The following PTPRD variants were observed in gnomAD, a reference collection of about 807,000 sequenced individuals.
PTPRD encodes receptor-type tyrosine-protein phosphatase delta.
In PTPRD, 34 loss-of-function variants were observed where a neutral mutation model predicts 214.5. That is an observed-to-expected ratio of 0.16 (90% CI 0.12 to 0.21). The LOEUF (loss-of-function observed/expected upper bound fraction) is 0.21. PTPRD is among the 10% of genes least tolerant of loss of function. PTPRD has a pLI of 1.00. For synonymous variants in PTPRD, 1,128 were observed against 845.7 expected, an observed-to-expected ratio of 1.33 and a Z score of -5.79; for missense variants, 2,545 against 2,398.7, an observed-to-expected ratio of 1.06 and a Z score of -1.27.
At chr9:9,259,759 G>A (rs904973489) in intron 9 of PTPRD, among the ~76,000 whole-genome samples, 3 of 151,890 alleles carry the variant, frequency 2.0e-5, no homozygotes, top group Non-Finnish European at 4.4e-5. Flanking sequence ...AGATCAGGTG[G>A]AGAAGAAAGG....
In PTPRD at chr9:9,137,090, T is replaced by C. The variant is rs1483350385; in HGVS notation, c.-143+46214A>G. On this transcript the variant is annotated intron_variant, in intron 10 of 45. Coordinates refer to ENST00000381196, the MANE Select transcript of PTPRD (RefSeq NM_002839.4). ...ATGATTTCACTTGCTCAAGATGTAA[T>C]TTATTGCTAATGGAATCACAGAAAA... is the stretch of plus-strand genomic sequence containing the variant. Among the ~76,000 whole-genome samples, 3 of 152,302 alleles carry C rather than the reference T, an allele frequency of 2.0e-5. No individual in the cohort carries two copies. The East Asian group carries it at 5.8e-4, about 29-fold the overall frequency.
chr9:10,146,084 T>C (rs2099020428), intron 3 of PTPRD, among the ~76,000 whole-genome samples: 1 of 151,760 alleles, frequency 6.6e-6, no homozygotes, highest in African/African-American at 2.4e-5. Context: ...ATCATTTCAT[T>C]TTTTCCTTAT....
intron 3 of PTPRD, among the ~76,000 whole-genome samples, chr9:10,271,295 A>C (rs1027663679): frequency 6.6e-6 from 1 of 152,140 alleles, no homozygotes; most frequent in Non-Finnish European, 1.5e-5. Context: ...GTACATTTGC[A>C]TTTTTAGGTG....
intron 10 of PTPRD, among the ~76,000 whole-genome samples, chr9:9,137,614 G>T (rs571798768): frequency 1.3e-4 from 20 of 152,204 alleles, no homozygotes; most frequent in African/African-American, 4.8e-4. Context: ...GTTGAACAAG[G>T]ACTGGTGCTG....
intron 13 of PTPRD, among the ~76,000 whole-genome samples, chr9:8,635,501 C>T (rs1014350801): frequency 6.6e-6 from 1 of 152,072 alleles, no homozygotes; most frequent in Admixed American, 6.6e-5. Flanking sequence ...AAACTTCTCA[C>T]TTGTAAACTA....
intron 40 of PTPRD, among the ~76,000 whole-genome samples, 198 bp downstream of exon 40, chr9:8,341,495 T>C (rs1007263707): frequency 3.3e-5 from 5 of 152,056 alleles, no homozygotes; most frequent in African/African-American, 7.2e-5. Flanking sequence ...TTAGGAGACA[T>C]AAGGGCTCAA....
intron 5 of PTPRD, among the ~76,000 whole-genome samples, chr9:9,895,766 T>C (rs958734487): frequency 6.6e-6 from 1 of 152,144 alleles, no homozygotes; most frequent in African/African-American, 2.4e-5. Context: ...GAAGGACTAG[T>C]AGCAGCTAAA....
chr9:9,058,400 T>C (rs2099700237), intron 10 of PTPRD, among the ~76,000 whole-genome samples: 1 of 149,602 alleles, frequency 6.7e-6, no homozygotes, highest in Non-Finnish European at 1.5e-5. Context: ...GAAGATAAAT[T>C]CTATGTATAA....
intron 9 of PTPRD, among the ~76,000 whole-genome samples, chr9:9,372,737 G>A (rs113464234): frequency 0.14 from 20,799 of 152,026 alleles, 1,610 homozygotes; most frequent in East Asian, 0.26. Flanking sequence ...GCATGTTTTC[G>A]CAGTGGCTGG....
chr9:8,454,143 C>A lies in PTPRD; in HGVS notation c.3876-4306G>T, dbSNP rs112246366. On this transcript the variant is annotated intron_variant, in intron 33 of 45. Transcript: ENST00000381196. The stretch of plus-strand genomic sequence containing the variant: ...GGAAGAGTTCTCACTAAGGCACTGT[C>A]ATCAATATTTGCAGGATGTGAAAAT... Among the ~76,000 whole-genome samples the A allele has an allele frequency of 2.1e-3, 319 of 152,232 alleles. 1 individual carries two copies. The highest frequency in any genetic ancestry group is 7.5e-3 in the African/African-American group (312 of 41,548).
intron 3 of PTPRD, among the ~76,000 whole-genome samples, chr9:10,306,820 A>C (rs984784310): frequency 2.3e-4 from 35 of 152,108 alleles, no homozygotes; most frequent in Admixed American, 5.9e-4. Context: ...TGTGAGTTCT[A>C]GTATTATCTC....
At position 9,510,392 on chromosome 9, in the gene PTPRD, G is replaced by C. The variant is rs144775155; in HGVS notation, c.-237+64340C>G. The stretch of plus-strand genomic sequence containing the variant: ...GAGCAAACTTCCCAGCATATATTAG[G>C]CAATCATTAAATGCATGTTGAATTA... On this transcript the variant is annotated intron_variant, in intron 8 of 45. Transcript: ENST00000381196. Among the ~76,000 whole-genome samples, 11 of 151,244 alleles carry C rather than the reference G, an allele frequency of 7.3e-5. No homozygotes were observed. In the East Asian group the frequency reaches 2.2e-3, roughly 30 times the overall value.
intron 14 of PTPRD, among the ~76,000 whole-genome samples, chr9:8,624,168 G>T (rs549290517): frequency 2.6e-5 from 4 of 151,886 alleles, no homozygotes; most frequent in African/African-American, 9.6e-5. Flanking sequence ...GCATTCTGAA[G>T]AATATGGAAA....
At position 10,015,821 on chromosome 9, in the gene PTPRD, A is replaced by C. The variant is rs2096698461; in HGVS notation, c.-472+17897T>G. Among the ~76,000 whole-genome samples, 4 of 152,266 alleles carry C rather than the reference A, an allele frequency of 2.6e-5. No individual in the cohort carries two copies. The South Asian group carries it at 8.3e-4, about 32-fold the overall frequency. ...CTCTGGTAGGATCTAGAAACTAAGC[A>C]AGTTTTATAATGTAAGATACTACAA... On this transcript the variant is annotated intron_variant, in intron 4 of 45. Coordinates refer to ENST00000381196, the MANE Select transcript of PTPRD (RefSeq NM_002839.4).
chr9:9,415,060 C>G (rs574389764), intron 8 of PTPRD, among the ~76,000 whole-genome samples: 2 of 152,110 alleles, frequency 1.3e-5, no homozygotes, highest in African/African-American at 4.8e-5. Context: ...GACCTAATTA[C>G]GTACTTGTTT....
In PTPRD at chr9:8,623,178, T is replaced by C. The variant is rs181909641; in HGVS notation, c.352+10139A>G. On this transcript the variant is annotated intron_variant, in intron 14 of 45. Transcript: ENST00000381196. ...AAAAAACAAAAAACACAAATGTTTATGGAAAATGTCAGGCACTGTGCTTAC... is the reference window on the plus strand; with the variant it reads ...AAAAAACAAAAAACACAAATGTTTACGGAAAATGTCAGGCACTGTGCTTAC... Among the ~76,000 whole-genome samples the C allele has an allele frequency of 5.7e-3, 864 of 151,914 alleles. 21 individuals are homozygous for C. Among genetic ancestry groups the C allele is most frequent in the Admixed American group, 0.043 (651 of 15,204 alleles).
chr9:10,508,988 T>C (rs1387578438), intron 2 of PTPRD, among the ~76,000 whole-genome samples: 3 of 152,018 alleles, frequency 2.0e-5, no homozygotes, highest in East Asian at 3.9e-4. Context: ...AGGCATATAA[T>C]GTCGATATGT....
At chr9:10,521,670 G>A (rs778216973) in intron 2 of PTPRD, among the ~76,000 whole-genome samples, 51 of 151,954 alleles carry the variant, frequency 3.4e-4, no homozygotes, top group African/African-American at 1.1e-3. Context: ...CCTAACCTTC[G>A]ACAACCACCA....
intron 3 of PTPRD, among the ~76,000 whole-genome samples, chr9:10,315,460 T>C (rs185532426): frequency 1.9e-4 from 29 of 152,060 alleles, no homozygotes; most frequent in Admixed American, 9.2e-4. Flanking sequence ...GTTTCATATA[T>C]GAAACAATTA....
Sources: gnomAD v4.1 joint callset for allele counts (sites outside exome capture counted in the v4.1 genomes callset) on GRCh38, gnomAD v4.1.1 for gene constraint, MANE v1.5 for transcripts, NCBI Gene and HGNC (gene_info 2026-07-23, HGNC 2026-07-21) for gene names.